UBE3B: variants seen among roughly 807,000 people sequenced by gnomAD.
UBE3B encodes ubiquitin-protein ligase E3B.
Under a neutral mutation model 132.3 loss-of-function variants are expected in UBE3B, and 80 were observed. The observed-to-expected ratio is 0.60, with a 90% CI of 0.50 to 0.73. The LOEUF is 0.73. UBE3B is among the 30% of genes least tolerant of loss of function. The probability of loss-of-function intolerance (pLI) is 0.00; values close to 1 mark genes in which losing one functional copy is unlikely to be tolerated. For synonymous variants in UBE3B, 487 were observed against 520.4 expected (o/e 0.94, Z 0.87); for missense variants, 1,196 against 1,362.5 (o/e 0.88, Z 1.92).
intron 26 of UBE3B, 129 bp downstream of exon 26, chr12:109,530,787 C>G: frequency 1.1e-6 from 1 of 908,986 alleles, no homozygotes; most frequent in South Asian, 1.6e-5. Flanking sequence ...ACATCCTCTC[C>G]CACAGGCAGG....
intron 15 of UBE3B, 138 bp downstream of exon 15, chr12:109,507,873 C>G (rs1383123632): frequency 9.6e-7 from 1 of 1,039,770 alleles, no homozygotes; most frequent in Non-Finnish European, 1.4e-6. Context: ...AAGAACTAGC[C>G]ATTTACCAAG....
At chr12:109,524,567 G>A (rs755094094) in intron 23 of UBE3B, 64 bp downstream of exon 23, 22 of 1,564,620 alleles carry the variant, frequency 1.4e-5, no homozygotes, top group African/African-American at 2.7e-5. Flanking sequence ...GACCTGCCGT[G>A]TTATTTGTTT....
intron 25 of UBE3B, 66 bp from the exon 26 acceptor site, chr12:109,530,481 C>T (rs1882830716): frequency 3.6e-6 from 5 of 1,399,456 alleles, no homozygotes; most frequent in Non-Finnish European, 5.0e-6. Context: ...GTCTGCATGA[C>T]CTGCCTGCCT....
At chr12:109,524,557 G>C in intron 23 of UBE3B, 54 bp downstream of exon 23, 2 of 1,580,854 alleles carry the variant, frequency 1.3e-6, no homozygotes, top group Non-Finnish European at 1.7e-6. Flanking sequence ...GGGCTCCTGA[G>C]ACCTGCCGTG....
At chr12:109,524,554 T>A (rs932166684) in intron 23 of UBE3B, 51 bp downstream of exon 23, 4 of 1,586,038 alleles carry the variant, frequency 2.5e-6, no homozygotes, top group Non-Finnish European at 3.5e-6. Context: ...CATGGGCTCC[T>A]GAGACCTGCC....
At chr12:109,495,757 C>A (rs891694422) in intron 9 of UBE3B, among the ~76,000 whole-genome samples, 8 of 152,356 alleles carry the variant, frequency 5.3e-5, no homozygotes, top group Middle Eastern at 6.8e-3. Context: ...TTATCTGCAG[C>A]AGGAGCAAGT....
chr12:109,510,447 C>G lies in UBE3B; in HGVS notation c.1845C>G (p.His615Gln). 6 of 1,611,228 alleles carry G rather than the reference C, an allele frequency of 3.7e-6. No homozygotes were observed. The highest frequency in any genetic ancestry group is 1.7e-4 in the Middle Eastern group (1 of 6,040). ...DCRRRFTPED[H>Q]WLRKDLKPSV... ...GGCGGCGCTTCACCCCCGAGGACCA[C>G]TGGCTGCGAAAGTGAGCTCCAGGGG... Residue 615 changes from histidine (H) to glutamine (Q), a missense_variant, in exon 17 of 28, where the codon CAC (histidine) becomes CAG (glutamine). His to Gln is a conservative substitution (Grantham distance 24). Transcript: ENST00000342494.
At chr12:109,489,893 T>C in intron 7 of UBE3B, 26 bp from the exon 8 acceptor site, 1 of 1,609,618 alleles carries the variant, frequency 6.2e-7, no homozygotes, top group Non-Finnish European at 8.5e-7. Flanking sequence ...AGAGACTTTT[T>C]TGTTCTCACT....
intron 15 of UBE3B, chr12:109,508,530 G>A (rs994671528): frequency 1.0e-5 from 10 of 985,352 alleles, no homozygotes; most frequent in Non-Finnish European, 3.6e-6. Context: ...TTTCCCAAAA[G>A]GTTGGTGAAG....
At chr12:109,484,468 G>A (rs904565365) in intron 4 of UBE3B, among the ~76,000 whole-genome samples, 2 of 151,884 alleles carry the variant, frequency 1.3e-5, no homozygotes, top group Non-Finnish European at 2.9e-5. Flanking sequence ...TTGGCTCACT[G>A]CCAGTCTTCA....
chr12:109,498,700 C>A (rs1878549955), intron 11 of UBE3B, among the ~76,000 whole-genome samples: 1 of 152,082 alleles, frequency 6.6e-6, no homozygotes, highest in African/African-American at 2.4e-5. Context: ...ATCAGAGCAG[C>A]GCCTGCTTTA....
chr12:109,509,324 A>G, intron 15 of UBE3B: 1 of 237,056 alleles, frequency 4.2e-6, no homozygotes, highest in Non-Finnish European at 8.1e-6. Context: ...TTACATAGGT[A>G]TACATGTGCT....
At chr12:109,484,911 C>G (rs980470817) in intron 4 of UBE3B, among the ~76,000 whole-genome samples, 32 of 152,166 alleles carry the variant, frequency 2.1e-4, no homozygotes, top group African/African-American at 7.5e-4. Flanking sequence ...TGTGTGCCAC[C>G]ATGCACAGCA....
intron 11 of UBE3B, among the ~76,000 whole-genome samples, chr12:109,499,265 A>G (rs1008896976): frequency 2.0e-5 from 3 of 152,242 alleles, no homozygotes; most frequent in African/African-American, 4.8e-5. Flanking sequence ...AAGCATTAAT[A>G]TAATATTAAA....
chr12:109,521,620 A>G lies in UBE3B; in HGVS notation c.2364+69A>G. On this transcript the variant is annotated intron_variant, in intron 21 of 27. Coordinates refer to ENST00000342494, the MANE Select transcript of UBE3B (RefSeq NM_130466.4). This position sits in a 1 kb window ranked among gnomAD's most constrained non-coding sequence, Gnocchi z 4.2. ...CGGTACCATGGGCTTCTTCACATAC[A>G]CATATGTGATCAGGCTTGGCCATGT... The G allele has an allele frequency of 7.4e-7, 1 of 1,350,852 alleles. No individual in the cohort carries two copies. The highest frequency in any genetic ancestry group is 1.0e-6 in the Non-Finnish European group (1 of 986,750). 83.7% of individuals were successfully genotyped at this position (1,350,852 alleles called of 1,614,324 possible).
chr12:109,535,746 C>G lies in UBE3B; in HGVS notation c.*964C>G, dbSNP rs563842166. On this transcript the variant is annotated 3_prime_UTR_variant, in exon 28 of 28. Transcript: ENST00000342494. The stretch of plus-strand genomic sequence containing the variant: ...AGGAAACTTGGGTCTTGCTGCCCAT[C>G]CTTCCTCAGCACAGGGAACCCGGAA... 6.6e-5 allele frequency: 10 copies of G among 152,420 alleles called. 1 individual carries two copies. In the South Asian group the frequency reaches 2.1e-3, roughly 32 times the overall value. The allele number at this position is 152,420 out of a possible 1,614,324, so 9.4% of individuals were successfully genotyped here.
chr12:109,527,384 C>T (rs1228541154), intron 24 of UBE3B, among the ~76,000 whole-genome samples: 6 of 152,180 alleles, frequency 3.9e-5, no homozygotes, highest in East Asian at 1.9e-4. Flanking sequence ...ATCAATCTCC[C>T]GCCGCCAGGC....
intron 12 of UBE3B, among the ~76,000 whole-genome samples, chr12:109,500,372 A>T (rs1878810602): frequency 6.6e-6 from 1 of 152,238 alleles, no homozygotes; most frequent in East Asian, 1.9e-4. Flanking sequence ...TCTGGAGAGG[A>T]ACCAGCTCTG....
chr12:109,510,816 G>T (rs1252225250), intron 17 of UBE3B, among the ~76,000 whole-genome samples: 3 of 152,156 alleles, frequency 2.0e-5, no homozygotes, highest in African/African-American at 4.8e-5. Flanking sequence ...CTGCTTTTAG[G>T]TTTTTTGGAG....
Sources: allele counts gnomAD v4.1 joint callset (sites outside exome capture counted in the v4.1 genomes callset), GRCh38; gene constraint gnomAD v4.1.1; non-coding constraint Gnocchi (gnomAD v3.1); transcripts MANE v1.5; gene names NCBI Gene and HGNC (gene_info 2026-07-23, HGNC 2026-07-21).